Variants in PLAC1 observed in about 807,000 individuals in gnomAD.
PLAC1 encodes the protein placenta-specific protein 1.
For synonymous variants in PLAC1, 68 were observed against 62.1 expected, an observed-to-expected ratio of 1.09 and a Z score of -0.44; for missense variants, 136 against 163.2, an observed-to-expected ratio of 0.83 and a Z score of 0.91.
At chrX:134,756,575 C>T (rs901902875) in intron 1 of PLAC1, among the ~76,000 whole-genome samples, 1 of 110,557 alleles carries the variant, frequency 9.0e-6, no homozygotes, top group African/African-American at 3.3e-5. Flanking sequence ...TTCGGCCGGG[C>T]GCGGTGGCTC....
intron 2 of PLAC1, among the ~76,000 whole-genome samples, chrX:134,697,459 TC>T (rs1001005132): frequency 8.9e-6 from 1 of 112,694 alleles, no homozygotes; most frequent in African/African-American, 3.2e-5. Context: ...AGTTTTATAT[TC>T]ATTCATTCGT....
intron 2 of PLAC1, among the ~76,000 whole-genome samples, chrX:134,670,422 G>A (rs925508766): frequency 2.7e-5 from 3 of 111,694 alleles, no homozygotes; most frequent in African/African-American, 9.8e-5. Flanking sequence ...TTCATATCAT[G>A]CCATTTCCAG....
intron 1 of PLAC1, among the ~76,000 whole-genome samples, chrX:134,613,958 C>T (rs1208091232): frequency 3.6e-5 from 4 of 110,429 alleles, no homozygotes; most frequent in African/African-American, 1.3e-4. Flanking sequence ...ATCAAAATTA[C>T]CACTATTTCC....
At chrX:134,575,492 G>A (rs187656134) in intron 2 of PLAC1, among the ~76,000 whole-genome samples, 20 of 109,783 alleles carry the variant, frequency 1.8e-4, no homozygotes, top group South Asian at 1.2e-3. Context: ...GTGTTGAGCC[G>A]GGCGCAGTGG....
At chrX:134,588,419 T>C (rs2078017860) in intron 2 of PLAC1, among the ~76,000 whole-genome samples, 2 of 109,127 alleles carry the variant, frequency 1.8e-5, no homozygotes, top group Admixed American at 9.9e-5. Context: ...CTGCCTCCCG[T>C]AGAACCCTCT....
At chrX:134,602,734 G>T (rs1293526242) in intron 1 of PLAC1, among the ~76,000 whole-genome samples, 1 of 110,507 alleles carries the variant, frequency 9.0e-6, no homozygotes, top group Non-Finnish European at 1.9e-5. Context: ...TATAGTATAT[G>T]ATTCAATTTC....
intron 2 of PLAC1, among the ~76,000 whole-genome samples, chrX:134,717,288 C>A (rs950131932): frequency 9.9e-5 from 11 of 111,555 alleles, no homozygotes; most frequent in African/African-American, 3.6e-4. Context: ...GAGACAGAGT[C>A]TTGCTCTGTC....
intron 1 of PLAC1, among the ~76,000 whole-genome samples, chrX:134,614,926 C>T (rs890890037): frequency 1.8e-5 from 2 of 111,695 alleles, no homozygotes; most frequent in Admixed American, 9.5e-5. Flanking sequence ...ATTGGGATTA[C>T]AGGCGTGTAC....
intron 1 of PLAC1, among the ~76,000 whole-genome samples, chrX:134,755,752 T>C (rs1418444480): frequency 9.0e-6 from 1 of 111,328 alleles, no homozygotes; most frequent in Non-Finnish European, 1.9e-5. Flanking sequence ...TTTCTTTAGA[T>C]TTAAAAAGTT....
chrX:134,660,218 C>T (rs895889170), upstream of PLAC1, among the ~76,000 whole-genome samples: 6 of 110,285 alleles, frequency 5.4e-5, no homozygotes, highest in Non-Finnish European at 1.1e-4. Context: ...GATTCTTCTG[C>T]CTCAGCCTCC....
chrX:134,707,702 A>C (rs1179998157), intron 2 of PLAC1, among the ~76,000 whole-genome samples: 2 of 112,637 alleles, frequency 1.8e-5, no homozygotes, highest in Non-Finnish European at 3.7e-5. Flanking sequence ...AGAACAAAGA[A>C]AGAACAAAAA....
intron 2 of PLAC1, among the ~76,000 whole-genome samples, chrX:134,718,572 A>G (rs769807822): frequency 8.9e-6 from 1 of 111,925 alleles, no homozygotes; most frequent in East Asian, 2.8e-4. Flanking sequence ...CCATCTGGCC[A>G]GTTAGTAAGG....
chrX:134,758,182 C>T (rs781719046), intron 1 of PLAC1, among the ~76,000 whole-genome samples: 200 of 110,488 alleles, frequency 1.8e-3, no homozygotes, highest in Non-Finnish European at 3.3e-3. Context: ...AAAACCCATG[C>T]TCATGGGTTG....
At chrX:134,738,968 C>T (rs777807661) in intron 1 of PLAC1, among the ~76,000 whole-genome samples, 1 of 112,233 alleles carries the variant, frequency 8.9e-6, no homozygotes, top group Non-Finnish European at 1.9e-5. Flanking sequence ...GTCAAATATG[C>T]CTGGTAATCT....
rs143765657 is a variant in PLAC1 at position 134,579,750 on chromosome X, G to C, written c.-58-13010C>G. 5.0e-3 allele frequency among the ~76,000 whole-genome samples: 559 copies of C among 111,475 alleles called. 4 individuals are homozygous for C. Among genetic ancestry groups the C allele is most frequent in the African/African-American group, 0.017 (527 of 30,646 alleles). On this transcript the variant is annotated intron_variant, in intron 2 of 2. Transcript: ENST00000359237. ...ATAGACTCCAGCTGAGCGGTGGTTT[G>C]TGCTTTCCCGGAAAGCTGAGGCCTC... is the stretch of plus-strand genomic sequence containing the variant.
chrX:134,646,364 C>G (rs779580456), intron 1 of PLAC1, among the ~76,000 whole-genome samples: 4 of 112,197 alleles, frequency 3.6e-5, no homozygotes, highest in South Asian at 7.4e-4. Context: ...TTCTAATTAC[C>G]CTTACTCAGC....
At chrX:134,737,114 G>GTGA (rs760659921) in intron 1 of PLAC1, among the ~76,000 whole-genome samples, 1 of 112,721 alleles carries the variant, frequency 8.9e-6, no homozygotes, top group African/African-American at 3.2e-5. Context: ...ACAGCCAATT[G>GTGA]TGATGTGTTA....
At chrX:134,577,948 A>T (rs2124356661) in intron 2 of PLAC1, among the ~76,000 whole-genome samples, 1 of 110,523 alleles carries the variant, frequency 9.0e-6, no homozygotes, top group Admixed American at 9.7e-5. Flanking sequence ...TGAGATACGG[A>T]AGATTATATA....
At chrX:134,614,701 C>T (rs1185260554) in intron 1 of PLAC1, among the ~76,000 whole-genome samples, 1 of 111,829 alleles carries the variant, frequency 8.9e-6, no homozygotes, top group African/African-American at 3.3e-5. Context: ...GTGGTGCCAT[C>T]ATAGCTCATT....
Sources: gnomAD v4.1 joint callset for allele counts (sites outside exome capture counted in the v4.1 genomes callset) on GRCh38, gnomAD v4.1.1 for gene constraint, MANE v1.5 for transcripts, NCBI Gene and HGNC (gene_info 2026-07-23, HGNC 2026-07-21) for gene names.